Variants in FMO4 observed in about 807,000 individuals in gnomAD.
The protein encoded by FMO4 is dimethylaniline monooxygenase [N-oxide-forming] 4.
A neutral mutation model predicts 43.3 loss-of-function variants in FMO4; 38 were observed. The observed-to-expected ratio is 0.88, with a 90% CI of 0.68 to 1.15. FMO4 has a LOEUF of 1.15. Among genes scored for constraint, FMO4 ranks in the 50% most tolerant of loss-of-function variants. The pLI is 0.00. For missense variants in FMO4, 631 were observed against 663.3 expected (o/e 0.95, Z 0.54); for synonymous variants, 224 against 232.2 (o/e 0.96, Z 0.32).
chr1:171,338,017 T>C (rs2101907483), intron 9 of FMO4, among the ~76,000 whole-genome samples: 1 of 152,256 alleles, frequency 6.6e-6, no homozygotes, highest in Admixed American at 6.5e-5. Context: ...AAATGAACTC[T>C]TGACCCCCTC....
At chr1:171,327,455 G>T (rs940658588) in intron 5 of FMO4, among the ~76,000 whole-genome samples, 4 of 152,050 alleles carry the variant, frequency 2.6e-5, no homozygotes, top group African/African-American at 4.8e-5. Flanking sequence ...TGTTTGTTTG[G>T]TTGGTTGGTT....
chr1:171,334,702 T>C lies in FMO4; in HGVS notation c.1119T>C (p.Leu373=), dbSNP rs760014911. The change falls in exon 8 of 10, where the codon CTT becomes CTC. Residue 373 remains leucine, a synonymous_variant. Transcript: ENST00000367749. The part of the protein sequence containing the change: ...ATLAIIGLIG[L]KGSILSGTEL... ...TAGCCATCATCGGCCTTATCGGCCT[T>C]AAAGGATCCATCTTATCAGGCACAG... 8.1e-6 allele frequency: 13 copies of C among 1,609,990 alleles called. No individual in the cohort carries two copies. The highest frequency in any genetic ancestry group is 1.7e-6 in the Non-Finnish European group (2 of 1,178,892).
Position 171,337,388 on chromosome 1 carries a change from A to T in FMO4, c.1213A>T (p.Met405Leu). ...TAAGATACCTCCATCCCAAAAATTG[A>T]TGATGGAGGCTACTGAAAAGGAACA... ...LCKIPPSQKL[M>L]MEATEKEQLI... is the part of the protein sequence containing the mutation. The change falls in exon 9 of 10, where the codon ATG becomes TTG. Residue 405 changes from methionine to leucine, a missense_variant. Met to Leu is a conservative substitution (Grantham distance 15). Coordinates refer to ENST00000367749, the MANE Select transcript of FMO4 (RefSeq NM_002022.3). 1 of 1,612,938 alleles carries T rather than the reference A, an allele frequency of 6.2e-7. No homozygotes were observed. Among genetic ancestry groups the T allele is most frequent in the South Asian group, 1.1e-5 (1 of 91,062 alleles).
At chr1:171,319,705 C>G (rs559231671) in intron 2 of FMO4, 113 bp from the exon 3 acceptor site, 87 of 800,208 alleles carry the variant, frequency 1.1e-4, no homozygotes, top group Admixed American at 7.8e-4. Context: ...ATTCTGCCCC[C>G]ACTCAAAGAT....
chr1:171,316,783 A>AT (rs1198159927), intron 2 of FMO4, among the ~76,000 whole-genome samples: 12 of 152,234 alleles, frequency 7.9e-5, no homozygotes, highest in Non-Finnish European at 1.8e-4. Context: ...CAGCAAATAC[A>AT]TTCAGAAATT....
intron 9 of FMO4, among the ~76,000 whole-genome samples, chr1:171,338,471 C>A (rs1421198506): frequency 6.6e-6 from 1 of 152,170 alleles, no homozygotes; most frequent in Non-Finnish European, 1.5e-5. Context: ...TTGATATGCC[C>A]TCACTGCCTA....
rs114064597 is a variant in FMO4 at position 171,327,591 on chromosome 1, C to A, written c.484+3291C>A. Among the ~76,000 whole-genome samples, 590 of 152,038 alleles carry A rather than the reference C, an allele frequency of 3.9e-3. 4 individuals carry two copies. Among genetic ancestry groups the A allele is most frequent in the African/African-American group, 0.013 (539 of 41,432 alleles). The stretch of plus-strand genomic sequence containing the variant: ...TGACAAAATTGAATAATACTATGGT[C>A]CACTCTATGGGGGTGCTGTGAGGTT... On this transcript the variant is annotated intron_variant, in intron 5 of 9. Transcript: ENST00000367749.
intron 7 of FMO4, 53 bp downstream of exon 7, chr1:171,332,961 AC>A: frequency 2.4e-6 from 2 of 841,432 alleles, no homozygotes; most frequent in Admixed American, 4.0e-5. Context: ...ATTTATCATT[AC>A]ATTTTATTCA....
At chr1:171,321,246 A>G (rs1473852360) in intron 3 of FMO4, among the ~76,000 whole-genome samples, 1 of 152,186 alleles carries the variant, frequency 6.6e-6, no homozygotes, top group Non-Finnish European at 1.5e-5. Flanking sequence ...AAAGAAAAAT[A>G]TAAATTAAGT....
chr1:171,337,262 T>G, intron 8 of FMO4, 94 bp from the exon 9 acceptor site: 1 of 826,330 alleles, frequency 1.2e-6, no homozygotes, highest in Non-Finnish European at 2.1e-6. Context: ...GCTCTGAAGT[T>G]AGAGCAGTGG....
intron 2 of FMO4, among the ~76,000 whole-genome samples, chr1:171,319,372 TG>T (rs1662315621): frequency 6.6e-6 from 1 of 152,190 alleles, no homozygotes; most frequent in Non-Finnish European, 1.5e-5. Context: ...GGGGTTTATA[TG>T]GGCATGGGAT....
At chr1:171,331,888 GAC>G in intron 6 of FMO4, 106 bp downstream of exon 6, 2 of 933,536 alleles carry the variant, frequency 2.1e-6, no homozygotes, top group Non-Finnish European at 3.3e-6. Context: ...AAATTATGCA[GAC>G]ACACAGTAAG....
In FMO4 at chr1:171,324,211, A is replaced by AG; in HGVS notation, c.398dup (p.Lys134GlnfsTer4). 1 of 1,613,800 alleles carries AG rather than the reference A, an allele frequency of 6.2e-7. No individual in the cohort carries two copies. Among genetic ancestry groups the AG allele is most frequent in the Non-Finnish European group, 8.5e-7 (1 of 1,179,780 alleles). On this transcript the variant is annotated frameshift_variant, in exon 5 of 10. Transcript: ENST00000367749. LOFTEE classifies it high-confidence loss of function. ...CAGTGGGATGTTGTCACAGAGACAG[A>AG]GGGCAAGCAAAATAGAGCTGTCTTT...
intron 5 of FMO4, among the ~76,000 whole-genome samples, chr1:171,329,313 C>T (rs1202571089): frequency 6.6e-6 from 1 of 152,146 alleles, no homozygotes; most frequent in Non-Finnish European, 1.5e-5. Context: ...GATGTCTCAA[C>T]TGTAGCTTCT....
chr1:171,322,476 G>T (rs1168395040), intron 3 of FMO4, among the ~76,000 whole-genome samples: 1 of 152,148 alleles, frequency 6.6e-6, no homozygotes, highest in African/African-American at 2.4e-5. Context: ...AAAATATATT[G>T]ATTTTAATTA....
Position 171,334,743 on chromosome 1 carries a change from G to T in FMO4, c.1160G>T (p.Trp387Leu), listed in dbSNP as rs1396615524. ...TCAGGCACAGAGCTCCAAGCACGAT[G>T]GGTCACAAGAGTATTCAAAGGTACC... The part of the protein sequence containing the change: ...ILSGTELQAR[W>L]VTRVFKGLCK... Residue 387 changes from tryptophan to leucine, a missense_variant, in exon 8 of 10, where the codon TGG (tryptophan) becomes TTG (leucine). Transcript: ENST00000367749. 3.2e-6 allele frequency: 5 copies of T among 1,578,016 alleles called. No individual in the cohort carries two copies. Among genetic ancestry groups the T allele is most frequent in the Non-Finnish European group, 4.3e-6 (5 of 1,167,006 alleles).
intron 5 of FMO4, among the ~76,000 whole-genome samples, chr1:171,327,822 G>A (rs1347369135): frequency 3.3e-5 from 5 of 152,056 alleles, no homozygotes; most frequent in Non-Finnish European, 7.4e-5. Flanking sequence ...CGGCTGAGGC[G>A]GGAGGATCAC....
At chr1:171,325,971 C>CAGAATAG (rs1662646252) in intron 5 of FMO4, among the ~76,000 whole-genome samples, 2 of 143,086 alleles carry the variant, frequency 1.4e-5, no homozygotes, top group East Asian at 3.9e-4. Flanking sequence ...CCTCAGCCTC[C>CAGAATAG]AGAATAGTTG....
intron 2 of FMO4, among the ~76,000 whole-genome samples, chr1:171,317,718 C>T (rs1057199380): frequency 1.2e-4 from 18 of 152,166 alleles, no homozygotes; most frequent in African/African-American, 2.4e-4. Context: ...TCCCTTATGA[C>T]GTTCCTTGGG....
Sources: allele counts gnomAD v4.1 joint callset (sites outside exome capture counted in the v4.1 genomes callset), GRCh38; gene constraint gnomAD v4.1.1; transcripts MANE v1.5; gene names NCBI Gene and HGNC (gene_info 2026-07-23, HGNC 2026-07-21).